The following TTN variants were observed in gnomAD, a reference collection of about 807,000 sequenced individuals.
TTN encodes the protein connectin.
In TTN, 1,525 loss-of-function variants were observed where a neutral mutation model predicts 3,223.0. That is an observed-to-expected ratio of 0.47 (90% confidence interval 0.45 to 0.49). The LOEUF is 0.49. Among genes scored for constraint, TTN ranks in the 20% least tolerant of loss-of-function variants. The pLI, the probability that TTN is intolerant of heterozygous loss-of-function variation, is 0.00. For missense variants in TTN, 40,786 were observed against 43,424.0 expected (o/e 0.94, Z 5.40); for synonymous variants, 14,094 against 15,161.0 (o/e 0.93, Z 5.17).
At chr2:178,594,858 G>T (rs573695803) in intron 295 of TTN, among the ~76,000 whole-genome samples, 21 of 152,162 alleles carry the variant, frequency 1.4e-4, no homozygotes, top group African/African-American at 5.1e-4. Context: ...GGAAATAGAG[G>T]TTTGTTGAGG....
Position 178,718,161 on chromosome 2 carries a change from G to A in TTN, c.24845C>T (p.Thr8282Ile). 6.2e-7 allele frequency: 1 copy of A among 1,606,746 alleles called. No individual in the cohort carries two copies. Among genetic ancestry groups the A allele is most frequent in the Non-Finnish European group, 8.5e-7 (1 of 1,179,550 alleles). ...AGTTCCATCCACTTTACACTGTAAAGTTGCAGGTTCTCCAATGACTGCTTC... is the reference window on the plus strand; with the variant it reads ...AGTTCCATCCACTTTACACTGTAAAATTGCAGGTTCTCCAATGACTGCTTC... ...HVEAVIGEPA[T>I]LQCKVDGTPE... The change falls in exon 86 of 363, where the codon ACT becomes ATT. Residue 8282 changes from threonine to isoleucine, a missense_variant. Physicochemically the swap from Thr to Ile is moderately conservative, Grantham distance 89. Coordinates refer to ENST00000589042, the MANE Select transcript of TTN (RefSeq NM_001267550.2).
rs892684142 is a variant in TTN at position 178,695,938 on chromosome 2, G to A, written c.31134C>T (p.Asp10378=). 34 of 1,509,952 alleles carry A rather than the reference G, an allele frequency of 2.3e-5. No homozygotes were observed. The highest frequency in any genetic ancestry group is 1.7e-4 in the Middle Eastern group (1 of 5,810). 93.5% of individuals were successfully genotyped at this position (1,509,952 alleles called of 1,614,324 possible). Residue 10378 remains aspartate, a synonymous_variant, in exon 114 of 363, where the codon GAC becomes GAT. Coordinates refer to ENST00000589042, the MANE Select transcript of TTN (RefSeq NM_001267550.2). ...QEYYEREEGY[D]EGEEEWEEAY... Reference sequence around the variant, plus strand: ...CCTCTTCCCACTCTTCCTCCCCTTCGTCATAGCCTTCTTCCCTTTCATAGT... The same window carrying A: ...CCTCTTCCCACTCTTCCTCCCCTTCATCATAGCCTTCTTCCCTTTCATAGT...
chr2:178,585,383 G>A, intron 308 of TTN, 36 bp from the exon 309 acceptor site: 5 of 1,530,940 alleles, frequency 3.3e-6, no homozygotes, highest in Non-Finnish European at 4.4e-6. Flanking sequence ...ATTTTGGGAA[G>A]GTGGATAAGT....
In TTN at chr2:178,776,090, A is replaced by G; in HGVS notation, c.5774T>C (p.Val1925Ala). 1.2e-6 allele frequency: 2 copies of G among 1,614,116 alleles called. No individual in the cohort carries two copies. The highest frequency in any genetic ancestry group is 1.7e-6 in the Non-Finnish European group (2 of 1,179,994). ...ENPEGVIEHK[V>A]KLEIQQREDF... The stretch of plus-strand genomic sequence containing the variant: ...TTCCCTCTGTTGAATCTCAAGCTTC[A>G]CTTTATGCTCTATCACACCTTCAGG... Residue 1925 changes from valine (V) to alanine (A), a missense_variant, in exon 28 of 363, where the codon GTG becomes GCG. Transcript: ENST00000589042.
intron 4 of TTN, 85 bp downstream of exon 4, chr2:178,800,310 A>G (rs1156845067): frequency 3.2e-6 from 5 of 1,551,722 alleles, no homozygotes; most frequent in Non-Finnish European, 4.4e-6. Flanking sequence ...CAGGGCTGTG[A>G]GAGGTGGCAA....
Position 178,578,096 on chromosome 2 carries a change from C to T in TTN, c.68419G>A (p.Gly22807Arg). 1 of 1,613,268 alleles carries T rather than the reference C, an allele frequency of 6.2e-7. No homozygotes were observed. Among genetic ancestry groups the T allele is most frequent in the Non-Finnish European group, 8.5e-7 (1 of 1,179,490 alleles). The change falls in exon 322 of 363, where the codon GGA becomes AGA. Residue 22807 changes from glycine to arginine, a missense_variant. Gly to Arg is a moderately radical substitution (Grantham distance 125, BLOSUM62 -2). Coordinates refer to ENST00000589042, the MANE Select transcript of TTN (RefSeq NM_001267550.2). ...PIRMRDFKVTGLTEGLEYEFR... is the reference protein window; with the variant it reads ...PIRMRDFKVTRLTEGLEYEFR... ...TCATATTCAAGACCTTCAGTTAATC[C>T]TGTCACTTTAAAGTCTCTCATCCTT...
In TTN at chr2:178,561,404, G is replaced by A. The variant is rs746193654; in HGVS notation, c.84728C>T (p.Ser28243Phe). The A allele has an allele frequency of 1.9e-6, 3 of 1,613,728 alleles. No individual in the cohort carries two copies. The highest frequency in any genetic ancestry group is 3.3e-5 in the Admixed American group (2 of 59,992). ...ATCTCTTGCAGGGACTGGTTCACAA[G>A]ATTTACTGCATTTACCAATTCCAGC... ...NIAGIGKCSK[S>F]CEPVPARDPC... The change falls in exon 326 of 363, where the codon TCT becomes TTT. Residue 28243 changes from serine to phenylalanine, a missense_variant. Physicochemically the swap from Ser to Phe is radical, Grantham distance 155. Transcript: ENST00000589042.
At chr2:178,766,658 T>G (rs765470575) in intron 40 of TTN, 46 bp from the exon 41 acceptor site, 2 of 1,488,192 alleles carry the variant, frequency 1.3e-6, no homozygotes, top group Admixed American at 3.4e-5. Flanking sequence ...AACAAAAACT[T>G]GAAGCTCTGG....
Position 178,609,263 on chromosome 2 carries a change from G to C in TTN, c.52047C>G (p.Ile17349Met), listed in dbSNP as rs1273982598. Residue 17349 changes from isoleucine to methionine, a missense_variant, in exon 273 of 363, where the codon ATC becomes ATG. Ile to Met is a conservative substitution (Grantham distance 10). Transcript: ENST00000589042. ...SLRPDHGLYMIKVENDHGIAK... is the reference protein window; with the variant it reads ...SLRPDHGLYMMKVENDHGIAK... ...CAATACCGTGGTCATTTTCAACTTT[G>C]ATCATATACAGACCATGGTCAGGTC... 1 of 1,551,528 alleles carries C rather than the reference G, an allele frequency of 6.4e-7. No individual in the cohort carries two copies. Among genetic ancestry groups the C allele is most frequent in the South Asian group, 1.3e-5 (1 of 78,364 alleles).
At position 178,775,432 on chromosome 2, in the gene TTN, C is replaced by T. The variant is rs775967972; in HGVS notation, c.6432G>A (p.Glu2144=). The T allele has an allele frequency of 4.3e-6, 7 of 1,613,908 alleles. No individual in the cohort carries two copies. In the Admixed American group the frequency reaches 1.0e-4, roughly 23 times the overall value. Residue 2144 remains glutamate, a synonymous_variant, in exon 28 of 363, where the codon GAG becomes GAA. Coordinates refer to ENST00000589042, the MANE Select transcript of TTN (RefSeq NM_001267550.2). The part of the protein sequence containing the change: ...CELVIRDVTA[E]DSASIMVKAI... ...CTTTTACCATGATGCTGGCAGAGTC[C>T]TCAGCAGTCACATCTCTTATGACCA...
Position 178,614,595 on chromosome 2 carries a change from T to C in TTN, c.48919A>G (p.Ile16307Val), listed in dbSNP as rs1559813119. ...MILKQDKRIT[I>V]ENVPKKSTVT... ...GTGGATTTCTTAGGGACATTTTCAA[T>C]GGTAATTCTTTTGTCCTGCTTCAGA... The change falls in exon 261 of 363, where the codon ATT becomes GTT. Residue 16307 changes from isoleucine to valine, a missense_variant. Ile to Val is a conservative substitution (Grantham distance 29). Transcript: ENST00000589042. 1 of 1,612,404 alleles carries C rather than the reference T, an allele frequency of 6.2e-7. No homozygotes were observed. The highest frequency in any genetic ancestry group is 8.5e-7 in the Non-Finnish European group (1 of 1,179,126).
rs768044952 is a variant in TTN at position 178,567,316 on chromosome 2, T to C, written c.78816A>G (p.Ala26272=). Residue 26272 remains alanine (A), a synonymous_variant, in exon 326 of 363, where the codon GCA becomes GCG. Transcript: ENST00000589042. ...GQYILRASNV[A]GSKSFPVNVK... ...CATTTACTGGGAATGACTTAGAACC[T>C]GCAACATTGGAAGCTCTTAAAATAT... is the stretch of plus-strand genomic sequence containing the variant. The C allele has an allele frequency of 1.9e-6, 3 of 1,605,962 alleles. No homozygotes were observed. Among genetic ancestry groups the C allele is most frequent in the Admixed American group, 3.4e-5 (2 of 58,506 alleles).
intron 216 of TTN, 74 bp from the exon 217 acceptor site, chr2:178,646,104 TTA>T (rs71023450): frequency 0.032 from 1,222 of 37,846 alleles, 18 homozygotes; most frequent in Non-Finnish European, 0.04. Flanking sequence ...TTAATAGAAA[TTA>T]TATATATATA....
Position 178,642,233 on chromosome 2 carries a change from A to G in TTN, c.40558+4T>C, listed in dbSNP as rs398124451. The G allele has an allele frequency of 1.8e-5, 28 of 1,577,642 alleles. No homozygotes were observed. Among genetic ancestry groups the G allele is most frequent in the South Asian group, 7.0e-5 (6 of 85,712 alleles). On this transcript the variant is annotated splice_donor_region_variant and intron_variant, in intron 219 of 362. Coordinates refer to ENST00000589042, the MANE Select transcript of TTN (RefSeq NM_001267550.2). ...GCTGACAGAATGGTTGAAAAATACT[A>G]TACCGCTTTTCAGAACAACTTCTTC...
chr2:178,605,551 C>T lies in TTN; in HGVS notation c.53744G>A (p.Arg17915Gln), dbSNP rs758896047. ...DKPDFERVNK[R>Q]LCPTTSFLVE... ...CAGAAAAGATGTGGTTGGGCAGAGTCGCTTGTTAACTCTTTCAAAGTCAGG... is the reference window on the plus strand; with the variant it reads ...CAGAAAAGATGTGGTTGGGCAGAGTTGCTTGTTAACTCTTTCAAAGTCAGG... The change falls in exon 279 of 363, where the codon CGA becomes CAA. Residue 17915 changes from arginine (R) to glutamine (Q), a missense_variant. Physicochemically the swap from Arg to Gln is conservative, Grantham distance 43. Transcript: ENST00000589042. 1.2e-5 allele frequency: 20 copies of T among 1,612,178 alleles called. 1 individual carries two copies. In the Admixed American group the frequency reaches 1.5e-4, roughly 12 times the overall value.
chr2:178,571,314 C>T lies in TTN; in HGVS notation c.74818G>A (p.Val24940Ile). ...NEPISDGGSR[V>I]IGYHLERKER... ...TTGCGTTCTAGATGATAGCCAATGA[C>T]TCTACTTCCTCCATCACTGATTGGC... Residue 24940 changes from valine (V) to isoleucine (I), a missense_variant, in exon 326 of 363, where the codon GTC becomes ATC. Val to Ile is a conservative substitution (Grantham distance 29). Coordinates refer to ENST00000589042, the MANE Select transcript of TTN (RefSeq NM_001267550.2). The T allele has an allele frequency of 1.2e-6, 2 of 1,613,440 alleles. No individual in the cohort carries two copies. The highest frequency in any genetic ancestry group is 1.7e-6 in the Non-Finnish European group (2 of 1,179,584).
chr2:178,779,848 C>T (rs1365823348), intron 22 of TTN, 152 bp downstream of exon 22: 2 of 703,718 alleles, frequency 2.8e-6, no homozygotes, highest in Non-Finnish European at 4.7e-6. Context: ...GTGCAACATA[C>T]CATGAAGATT....
chr2:178,570,656 T>C lies in TTN; in HGVS notation c.75476A>G (p.Glu25159Gly). ...DQELSNTARL[E>G]IKSTDFATSL... ...GGTGGCAAAGTCGGTGCTCTTTATT[T>C]CTAATCGAGCTGTGTTTGAAAGCTC... Residue 25159 changes from glutamate (E) to glycine (G), a missense_variant, in exon 326 of 363, where the codon GAA becomes GGA. Transcript: ENST00000589042. The C allele has an allele frequency of 6.2e-7, 1 of 1,613,506 alleles. No individual in the cohort carries two copies. Among genetic ancestry groups the C allele is most frequent in the Non-Finnish European group, 8.5e-7 (1 of 1,179,614 alleles).
chr2:178,674,966 A>T, intron 150 of TTN, 73 bp downstream of exon 150: 1 of 849,306 alleles, frequency 1.2e-6, no homozygotes, highest in Non-Finnish European at 1.7e-6. Flanking sequence ...TTTTACATTT[A>T]CCTACTTCAA....
Sources: allele counts gnomAD v4.1 joint callset (sites outside exome capture counted in the v4.1 genomes callset), GRCh38; gene constraint gnomAD v4.1.1; transcripts MANE v1.5; gene names NCBI Gene and HGNC (gene_info 2026-07-23, HGNC 2026-07-21).